Variants in TTC21B observed in about 807,000 individuals in gnomAD.
The protein encoded by TTC21B is tetratricopeptide repeat domain 21B, also known as tetratricopeptide repeat protein 21B.
In TTC21B, 127 loss-of-function variants were observed where a neutral mutation model predicts 175.1. The ratio of observed to expected loss-of-function variants is 0.73; its 90% CI spans 0.63 to 0.84. The LOEUF (loss-of-function observed/expected upper bound fraction) is 0.84. Ranked by LOEUF, TTC21B falls within the 40% of genes least tolerant of loss-of-function variation. The pLI is 0.00. For missense variants in TTC21B, 1,561 were observed against 1,558.3 expected (o/e 1.00, Z -0.03); for synonymous variants, 524 against 524.5 (o/e 1.00, Z 0.01).
At chr2:165,934,949 T>C (rs567009678) in intron 6 of TTC21B, among the ~76,000 whole-genome samples, 17 of 152,336 alleles carry the variant, frequency 1.1e-4, no homozygotes, top group Non-Finnish European at 2.4e-4. Flanking sequence ...TGCTTGGGCA[T>C]GTGGCTAGCC....
At chr2:165,877,060 G>A (rs1684686865) in intron 27 of TTC21B, among the ~76,000 whole-genome samples, 3 of 152,172 alleles carry the variant, frequency 2.0e-5, no homozygotes, top group Admixed American at 2.0e-4. Context: ...TCCTCTTAAT[G>A]GATGTTGTTC....
At chr2:165,917,965 A>G (rs1193857883) in intron 13 of TTC21B, among the ~76,000 whole-genome samples, 13 of 152,190 alleles carry the variant, frequency 8.5e-5, no homozygotes, top group Non-Finnish European at 1.5e-5. Flanking sequence ...GTAGTTCTGA[A>G]GCTTCCATCT....
At chr2:165,925,498 G>C (rs1686595134) in intron 11 of TTC21B, among the ~76,000 whole-genome samples, 1 of 151,990 alleles carries the variant, frequency 6.6e-6, no homozygotes, top group South Asian at 2.1e-4. Flanking sequence ...CAAGCCCCCT[G>C]ACACATAAAG....
chr2:165,914,488 A>T (rs956692937), intron 15 of TTC21B, among the ~76,000 whole-genome samples: 2 of 152,160 alleles, frequency 1.3e-5, no homozygotes, highest in African/African-American at 4.8e-5. Context: ...TCAGTGCTTA[A>T]AAGAATCTGA....
chr2:165,883,426 T>C (rs1458395630), intron 26 of TTC21B, among the ~76,000 whole-genome samples: 1 of 152,186 alleles, frequency 6.6e-6, no homozygotes, highest in East Asian at 1.9e-4. Context: ...AGTAAATTCA[T>C]CAAGAGTATT....
At chr2:165,927,269 G>GGATATATATATATA (rs1553513601) in intron 11 of TTC21B, among the ~76,000 whole-genome samples, 10 of 45,332 alleles carry the variant, frequency 2.2e-4, no homozygotes, top group African/African-American at 7.0e-4. Flanking sequence ...TATCCTAGTA[G>GGATATATATATATA]TTATATATAT....
chr2:165,912,341 G>A (rs1483640452), intron 17 of TTC21B, among the ~76,000 whole-genome samples, 173 bp downstream of exon 17: 1 of 152,136 alleles, frequency 6.6e-6, no homozygotes, highest in Non-Finnish European at 1.5e-5. Flanking sequence ...ACGAAATGAA[G>A]CAATGAAGAA....
intron 6 of TTC21B, chr2:165,933,935 G>A (rs1427688394): frequency 6.6e-6 from 1 of 152,090 alleles, no homozygotes; most frequent in Non-Finnish European, 1.5e-5. Context: ...TACTTGTTGT[G>A]AGTCTGGGGG....
chr2:165,881,959 T>TA (rs1350362089), intron 26 of TTC21B, among the ~76,000 whole-genome samples: 1 of 152,110 alleles, frequency 6.6e-6, no homozygotes, highest in South Asian at 2.1e-4. Flanking sequence ...ACCCATTTTT[T>TA]AAAAAACATA....
rs760376956 is a variant in TTC21B, at chr2:165,929,746, T to C, written c.1089A>G (p.Gly363=). 25 of 1,607,572 alleles carry C rather than the reference T, an allele frequency of 1.6e-5. No individual in the cohort carries two copies. The highest frequency in any genetic ancestry group is 2.1e-5 in the Non-Finnish European group (25 of 1,175,528). Residue 363 remains glycine (G), a splice_region_variant and synonymous_variant, in exon 10 of 29, where the codon GGA becomes GGG. Coordinates refer to ENST00000243344, the MANE Select transcript of TTC21B (RefSeq NM_024753.5). The part of the protein sequence containing the change: ...LDETSVSALV[G]FIQCQLIEGQ... The stretch of plus-strand genomic sequence containing the variant: ...CTTCTATCAACTGACATTGGATAAA[T>C]CCTAAAATCAAACAGCAGAAAGACA...
chr2:165,882,493 C>G (rs150820105), intron 26 of TTC21B, among the ~76,000 whole-genome samples: 1 of 152,028 alleles, frequency 6.6e-6, no homozygotes, highest in African/African-American at 2.4e-5. Context: ...ATCCCAACTT[C>G]GGCTACTAGA....
intron 24 of TTC21B, among the ~76,000 whole-genome samples, chr2:165,889,085 A>G (rs542409150): frequency 6.6e-6 from 1 of 152,342 alleles, no homozygotes; most frequent in African/African-American, 2.4e-5. Flanking sequence ...TGCAATTTGA[A>G]TATTTAATAG....
intron 27 of TTC21B, 23 bp from the exon 28 acceptor site, chr2:165,876,255 A>C: frequency 9.1e-6 from 13 of 1,420,896 alleles, no homozygotes; most frequent in Non-Finnish European, 1.3e-5. Flanking sequence ...AAACCATAAA[A>C]CAGAATGATG....
At chr2:165,912,372 C>T (rs964359185) in intron 17 of TTC21B, 142 bp downstream of exon 17, 17 of 732,110 alleles carry the variant, frequency 2.3e-5, no homozygotes, top group Non-Finnish European at 4.2e-5. Flanking sequence ...CTAAGAAGGC[C>T]TTTAACACAA....
At chr2:165,895,655 G>GA (rs989495491) in intron 22 of TTC21B, among the ~76,000 whole-genome samples, 4 of 152,080 alleles carry the variant, frequency 2.6e-5, no homozygotes, top group African/African-American at 9.6e-5. Context: ...AAATGGCAGG[G>GA]AAAAAAACGA....
chr2:165,898,478 T>A (rs1685445779), intron 22 of TTC21B: 1 of 621,632 alleles, frequency 1.6e-6, no homozygotes, highest in South Asian at 1.9e-5. Flanking sequence ...GATTACCAGG[T>A]TTGTGCTCAT....
intron 14 of TTC21B, among the ~76,000 whole-genome samples, chr2:165,916,117 A>G (rs1686164601): frequency 1.3e-5 from 2 of 152,174 alleles, no homozygotes; most frequent in Non-Finnish European, 2.9e-5. Flanking sequence ...ACCCTCTACA[A>G]AATATTTTAA....
intron 7 of TTC21B, 58 bp downstream of exon 7, chr2:165,932,909 GTGTGTA>G (rs1574125077): frequency 7.5e-7 from 1 of 1,340,730 alleles, no homozygotes; most frequent in Non-Finnish European, 1.1e-6. Flanking sequence ...GCACACATGG[GTGTGTA>G]TGTGTAATGA....
chr2:165,903,899 G>A (rs1424315670), intron 19 of TTC21B, among the ~76,000 whole-genome samples: 1 of 152,080 alleles, frequency 6.6e-6, no homozygotes, highest in Non-Finnish European at 1.5e-5. Context: ...TTGTCTCTTT[G>A]TCATTCAGAA....
Sources: gnomAD v4.1 joint callset for allele counts (sites outside exome capture counted in the v4.1 genomes callset) on GRCh38, gnomAD v4.1.1 for gene constraint, MANE v1.5 for transcripts, NCBI Gene and HGNC (gene_info 2026-07-23, HGNC 2026-07-21) for gene names.